HDAC9: variants seen among roughly 807,000 people sequenced by gnomAD.
HDAC9 encodes histone deacetylase 9, also known as MEF-2 interacting transcription repressor (MITR) protein.
In HDAC9, 41 loss-of-function variants were observed where a neutral mutation model predicts 139.4. The ratio of observed to expected loss-of-function variants is 0.29; its 90% confidence interval spans 0.23 to 0.38. HDAC9 has a LOEUF of 0.38. HDAC9 is among the 10% of genes least tolerant of loss of function. The probability of loss-of-function intolerance (pLI) is 1.00; values close to 1 mark genes in which losing one functional copy is unlikely to be tolerated. For missense variants in HDAC9, 1,147 were observed against 1,297.0 expected (o/e 0.88, Z 1.78); for synonymous variants, 517 against 476.2 (o/e 1.09, Z -1.12).
intron 22 of HDAC9, chr7:18,892,116 T>C (rs1800736464): frequency 2.0e-5 from 3 of 152,142 alleles, no homozygotes; most frequent in Admixed American, 2.0e-4. Flanking sequence ...AGGAGTTTAT[T>C]GGAAGAAACA....
At chr7:18,673,917 T>C (rs1018099286) in intron 12 of HDAC9, among the ~76,000 whole-genome samples, 1 of 152,090 alleles carries the variant, frequency 6.6e-6, no homozygotes, top group African/African-American at 2.4e-5. Context: ...CCAAATGTTT[T>C]ATTACCAATA....
At chr7:18,454,560 C>A (rs947478775) in intron 1 of HDAC9, among the ~76,000 whole-genome samples, 1 of 151,906 alleles carries the variant, frequency 6.6e-6, no homozygotes, top group African/African-American at 2.4e-5. Flanking sequence ...GTAAGCTCAA[C>A]ATAATATATT....
At chr7:18,189,818 C>A (rs1296696355) in intron 2 of HDAC9, among the ~76,000 whole-genome samples, 2 of 152,132 alleles carry the variant, frequency 1.3e-5, no homozygotes, top group African/African-American at 4.8e-5. Context: ...ATTGAATCCT[C>A]CAAAGAAGTG....
chr7:18,729,069 C>G (rs3864420), intron 13 of HDAC9, among the ~76,000 whole-genome samples: 5,441 of 152,126 alleles, frequency 0.036, 97 homozygotes, highest in Middle Eastern at 0.044. Context: ...CTGGTGCTAT[C>G]CCTGTGGATT....
intron 11 of HDAC9, 43 bp downstream of exon 11, chr7:18,648,726 G>A: frequency 6.5e-7 from 1 of 1,529,558 alleles, no homozygotes; most frequent in Non-Finnish European, 8.9e-7. Flanking sequence ...CCGCCAGTTT[G>A]GAAATTGGGT....
At chr7:18,933,571 A>G (rs1358025916) in intron 22 of HDAC9, among the ~76,000 whole-genome samples, 1 of 152,104 alleles carries the variant, frequency 6.6e-6, no homozygotes, top group Non-Finnish European at 1.5e-5. Flanking sequence ...CCAAGCTTCA[A>G]ATATTTTTCA....
chr7:18,938,946 A>G (rs1781841295), intron 23 of HDAC9, among the ~76,000 whole-genome samples: 1 of 152,224 alleles, frequency 6.6e-6, no homozygotes, highest in Admixed American at 6.5e-5. Context: ...AGAGAAAGGA[A>G]TAAAGGTATT....
chr7:18,867,285 C>T (rs939477794), intron 21 of HDAC9, among the ~76,000 whole-genome samples: 1 of 152,138 alleles, frequency 6.6e-6, no homozygotes, highest in South Asian at 2.1e-4. Flanking sequence ...AACGTAGGTG[C>T]AAATCACCAG....
At chr7:18,937,373 G>T (rs534375435) in intron 23 of HDAC9, among the ~76,000 whole-genome samples, 2 of 152,106 alleles carry the variant, frequency 1.3e-5, no homozygotes, top group East Asian at 3.9e-4. Context: ...TAACTCAAAG[G>T]ATGTAATTAT....
chr7:18,630,366 A>G (rs911095183), intron 7 of HDAC9, among the ~76,000 whole-genome samples: 5 of 151,934 alleles, frequency 3.3e-5, no homozygotes, highest in Admixed American at 1.3e-4. Flanking sequence ...CCAAGATCAG[A>G]TCTTATTTTT....
intron 12 of HDAC9, among the ~76,000 whole-genome samples, chr7:18,718,580 C>T (rs769206859): frequency 1.3e-5 from 2 of 152,090 alleles, no homozygotes; most frequent in Non-Finnish European, 2.9e-5. Context: ...AAGGTTCATC[C>T]ATGTTGTAGC....
intron 1 of HDAC9, among the ~76,000 whole-genome samples, chr7:18,422,738 ACACG>A (rs1291905820): frequency 1.1e-4 from 2 of 18,508 alleles, no homozygotes; most frequent in African/African-American, 1.6e-4. Context: ...TAAGACACAC[ACACG>A]CGCACACACA....
At chr7:18,991,069 C>T (rs754700511) in intron 25 of HDAC9, among the ~76,000 whole-genome samples, 16 of 152,274 alleles carry the variant, frequency 1.1e-4, no homozygotes, top group African/African-American at 1.4e-4. Context: ...TGGCTCCTCT[C>T]GATCTTTATT....
intron 25 of HDAC9, among the ~76,000 whole-genome samples, chr7:18,981,026 C>T (rs1413928735): frequency 6.6e-6 from 1 of 151,898 alleles, no homozygotes; most frequent in Non-Finnish European, 1.5e-5. Flanking sequence ...GGGGTTTTAC[C>T]GTGTTAGTCA....
intron 16 of HDAC9, among the ~76,000 whole-genome samples, chr7:18,770,366 T>G (rs769114146): frequency 6.6e-6 from 1 of 152,064 alleles, no homozygotes; most frequent in Non-Finnish European, 1.5e-5. Flanking sequence ...TGTAGTAAAA[T>G]AGATAATTAA....
At chr7:18,721,553 A>C (rs1375320560) in intron 12 of HDAC9, among the ~76,000 whole-genome samples, 1 of 152,138 alleles carries the variant, frequency 6.6e-6, no homozygotes, top group Non-Finnish European at 1.5e-5. Context: ...CTGTATTTTC[A>C]GAGTATGCAT....
chr7:18,128,171 A>C (rs1784788288), intron 1 of HDAC9, among the ~76,000 whole-genome samples: 1 of 152,078 alleles, frequency 6.6e-6, no homozygotes, highest in Non-Finnish European at 1.5e-5. Context: ...ACTCTAGGAA[A>C]CTTGTACCTT....
At chr7:18,442,060 G>A (rs1791827309) in intron 1 of HDAC9, among the ~76,000 whole-genome samples, 1 of 152,170 alleles carries the variant, frequency 6.6e-6, no homozygotes, top group Non-Finnish European at 1.5e-5. Context: ...GTGAGCCCCT[G>A]TGCCCGGCTG....
intron 12 of HDAC9, among the ~76,000 whole-genome samples, chr7:18,718,042 A>G (rs1784839683): frequency 1.3e-5 from 2 of 152,080 alleles, no homozygotes; most frequent in African/African-American, 4.8e-5. Context: ...TAGTCACTGA[A>G]TTGACTGGTG....
Sources: allele counts gnomAD v4.1 joint callset (sites outside exome capture counted in the v4.1 genomes callset), GRCh38; gene constraint gnomAD v4.1.1; transcripts MANE v1.5; gene names NCBI Gene and HGNC (gene_info 2026-07-23, HGNC 2026-07-21).